The following NCF2 variants were observed in gnomAD, a reference collection of about 807,000 sequenced individuals.
NCF2 encodes the protein neutrophil cytosolic factor 2.
NCF2 carries 45 observed loss-of-function variants against 70.9 expected under a neutral mutation model. The observed-to-expected ratio is 0.63, with a 90% confidence interval of 0.50 to 0.81. The LOEUF is 0.81. NCF2 is among the 40% of genes least tolerant of loss of function. The probability of loss-of-function intolerance (pLI) is 0.00; values close to 1 mark genes in which losing one functional copy is unlikely to be tolerated. For missense variants in NCF2, 522 were observed against 631.6 expected (o/e 0.83, Z 1.86); for synonymous variants, 203 against 233.6 (o/e 0.87, Z 1.19).
intron 6 of NCF2, among the ~76,000 whole-genome samples, chr1:183,569,609 G>C (rs1436576978): frequency 6.6e-6 from 1 of 152,102 alleles, no homozygotes; most frequent in Non-Finnish European, 1.5e-5. Context: ...TTTTTTTTGA[G>C]ATGGAGTTTC....
chr1:183,559,337 A>G (rs1671935682), intron 14 of NCF2, among the ~76,000 whole-genome samples: 1 of 152,216 alleles, frequency 6.6e-6, no homozygotes, highest in Admixed American at 6.5e-5. Flanking sequence ...TCTGTTCATT[A>G]CAAACAGAAT....
At chr1:183,594,574 C>T (rs10797890), upstream of NCF2, among the ~76,000 whole-genome samples, 69,183 of 152,018 alleles carry the variant, frequency 0.46, 16,173 homozygotes, top group African/African-American at 0.53. Flanking sequence ...ATTCTCGGTA[C>T]CTAGTACAGG....
chr1:183,596,979 G>A, the NCF2 span, among the ~76,000 whole-genome samples: 1 of 152,110 alleles, frequency 6.6e-6, no homozygotes, highest in East Asian at 1.9e-4. Context: ...CTATAAATAG[G>A]TTCTTTGAGG....
chr1:183,556,919 T>C (rs566572982), intron 14 of NCF2, among the ~76,000 whole-genome samples: 1 of 152,312 alleles, frequency 6.6e-6, no homozygotes, highest in African/African-American at 2.4e-5. Context: ...TGGTTAAATA[T>C]ATTAAAAATG....
upstream of NCF2, among the ~76,000 whole-genome samples, chr1:183,593,906 T>C (rs991377448): frequency 6.6e-6 from 1 of 152,196 alleles, no homozygotes; most frequent in Admixed American, 6.5e-5. Flanking sequence ...GGGAAAGATT[T>C]CTTCCCCAGT....
rs201081034 is a variant in NCF2 at position 183,580,613 on chromosome 1, A to G, written c.258-2906T>C. Among the ~76,000 whole-genome samples the G allele has an allele frequency of 1.1e-4, 16 of 152,230 alleles. No homozygotes were observed. In the East Asian group the frequency reaches 2.7e-3, roughly 26 times the overall value. On this transcript the variant is annotated intron_variant, in intron 2 of 14. Transcript: ENST00000367535. ...GCAGATGGATTTCAGCTGGGAAGTG[A>G]CACCACCTGGGTCTATCTGGCATTG...
the NCF2 span, among the ~76,000 whole-genome samples, chr1:183,599,492 T>TC: frequency 5.3e-5 from 8 of 149,770 alleles, no homozygotes; most frequent in African/African-American, 2.0e-4. Flanking sequence ...CTCTTTTCTT[T>TC]CTTTCTCTTT....
At chr1:183,591,523 C>A (rs1482782161), upstream of NCF2, among the ~76,000 whole-genome samples, 1 of 146,892 alleles carries the variant, frequency 6.8e-6, no homozygotes, top group African/African-American at 2.5e-5. Flanking sequence ...ACTCTTGTTG[C>A]CCAGGCTGGA....
Position 183,590,428 on chromosome 1 carries a change from G to A in NCF2, c.-99C>T, listed in dbSNP as rs780050246. Reference sequence around the variant, plus strand: ...GCAGGGCTGCCTTAGTGGCCCCCAAGGTGTTCACTTTCTGGGCCAGATGAG... The same window carrying A: ...GCAGGGCTGCCTTAGTGGCCCCCAAAGTGTTCACTTTCTGGGCCAGATGAG... On this transcript the variant is annotated 5_prime_UTR_variant, in exon 1 of 15. Transcript: ENST00000367535. The A allele has an allele frequency of 2.9e-6, 4 of 1,358,926 alleles. No homozygotes were observed. Among genetic ancestry groups the A allele is most frequent in the Admixed American group, 1.9e-5 (1 of 53,188 alleles). The allele number at this position is 1,358,926 out of a possible 1,614,324, so 84.2% of individuals were successfully genotyped here. A position where few individuals can be genotyped will look rare whatever the true frequency, so the allele number is the denominator to read the frequency against.
chr1:183,590,355 G>A lies in NCF2; in HGVS notation c.-26C>T, dbSNP rs774655949. The A allele has an allele frequency of 6.2e-7, 1 of 1,613,814 alleles. No individual in the cohort carries two copies. Among genetic ancestry groups the A allele is most frequent in the Non-Finnish European group, 8.5e-7 (1 of 1,179,862 alleles). On this transcript the variant is annotated 5_prime_UTR_variant, in exon 1 of 15. Transcript: ENST00000367535. The stretch of plus-strand genomic sequence containing the variant: ...GATTAGGTAGAAACTAGGAGGCCAA[G>A]AGAGCTGCCAGGAGACAGAGAGAAG...
intron 2 of NCF2, among the ~76,000 whole-genome samples, chr1:183,584,286 T>C (rs1673240608): frequency 6.6e-6 from 1 of 152,136 alleles, no homozygotes; most frequent in African/African-American, 2.4e-5. Context: ...ACTGCTGCAG[T>C]TGTAAAAGGG....
chr1:183,590,608 G>A (rs1673601513), upstream of NCF2: 2 of 495,660 alleles, frequency 4.0e-6, no homozygotes, highest in Non-Finnish European at 7.4e-6. Context: ...GGAGTGTGGA[G>A]GAGAGAGGAA....
chr1:183,574,427 T>G (rs1672703912), intron 4 of NCF2, 60 bp downstream of exon 4: 2 of 1,611,366 alleles, frequency 1.2e-6, no homozygotes, highest in South Asian at 1.1e-5. Context: ...TGGCATGTCC[T>G]CTGAGACAAA....
Position 183,573,282 on chromosome 1 carries a change from A to G in NCF2, c.512T>C (p.Leu171Pro). ...KAMECVWKQK[L>P]YEPVVIPVGK... ...CACAGGGATCACCACTGGCTCATAT[A>G]GCTTCTGCTTCTGTAACACAGAAAA... Residue 171 changes from leucine to proline, a missense_variant, in exon 5 of 15, where the codon CTA becomes CCA. Transcript: ENST00000367535. 1 of 1,614,048 alleles carries G rather than the reference A, an allele frequency of 6.2e-7. No individual in the cohort carries two copies. The highest frequency in any genetic ancestry group is 1.1e-5 in the South Asian group (1 of 91,086).
Position 183,577,838 on chromosome 1 carries a change from G to C in NCF2, c.258-131C>G, listed in dbSNP as rs72550872. Reference sequence around the variant, plus strand: ...GAAGCCTTTCAGTTCCTTTTGACCTGTTCTAGTTTTCAGCAACCCTGAGTC... The same window carrying C: ...GAAGCCTTTCAGTTCCTTTTGACCTCTTCTAGTTTTCAGCAACCCTGAGTC... On this transcript the variant is annotated intron_variant, in intron 2 of 14. Transcript: ENST00000367535. 7.9e-4 allele frequency: 580 copies of C among 733,478 alleles called. 3 individuals carry two copies. In the African/African-American group the frequency reaches 8.5e-3, roughly 11 times the overall value. 45.4% of individuals were successfully genotyped at this position (733,478 alleles called of 1,614,324 possible). A position where few individuals can be genotyped will look rare whatever the true frequency, so the allele number is the denominator to read the frequency against.
rs949958283 is a variant in NCF2 at position 183,566,994 on chromosome 1, G to A, written c.856-6C>T. On this transcript the variant is annotated splice_region_variant and splice_polypyrimidine_tract_variant and intron_variant, in intron 8 of 14. Transcript: ENST00000367535. ...TTGCAGGGAACAAGCCCCTTCTGCA[G>A]TGCAGCACCACAGAATCAGAAAGGA... 1.9e-6 allele frequency: 3 copies of A among 1,614,166 alleles called. No homozygotes were observed. Among genetic ancestry groups the A allele is most frequent in the Admixed American group, 3.3e-5 (2 of 60,030 alleles).
chr1:183,579,154 C>T (rs1232445076), intron 2 of NCF2, among the ~76,000 whole-genome samples: 1 of 152,190 alleles, frequency 6.6e-6, no homozygotes, highest in African/African-American at 2.4e-5. Context: ...GTAAAGGGGC[C>T]AGGAGCCAGA....
At chr1:183,593,630 C>A (rs1302686827), upstream of NCF2, among the ~76,000 whole-genome samples, 2 of 152,190 alleles carry the variant, frequency 1.3e-5, no homozygotes, top group Admixed American at 6.5e-5. Flanking sequence ...CAATGAGTGG[C>A]CTTTCTAGAT....
intron 13 of NCF2, among the ~76,000 whole-genome samples, chr1:183,562,930 T>G (rs1184518131): frequency 6.6e-6 from 1 of 151,912 alleles, no homozygotes; most frequent in Non-Finnish European, 1.5e-5. Flanking sequence ...TTTGACACAG[T>G]CAGGCAGGGA....
Sources: allele counts gnomAD v4.1 joint callset (sites outside exome capture counted in the v4.1 genomes callset), GRCh38; gene constraint gnomAD v4.1.1; transcripts MANE v1.5; gene names NCBI Gene and HGNC (gene_info 2026-07-23, HGNC 2026-07-21).